Variants in CCNK observed in about 807,000 individuals in gnomAD.
CCNK encodes the protein cyclin K.
A neutral mutation model predicts 65.0 loss-of-function variants in CCNK; 9 were observed. The ratio of observed to expected loss-of-function variants is 0.14; its 90% CI spans 0.08 to 0.24. CCNK has a LOEUF of 0.24. Ranked by LOEUF, CCNK falls within the 10% of genes least tolerant of loss-of-function variation. CCNK has a pLI of 1.00. For missense variants in CCNK, 474 were observed against 720.0 expected (o/e 0.66, Z 3.91); for synonymous variants, 279 against 270.8 (o/e 1.03, Z -0.30).
chr14:99,506,172 A>T (rs922249716), intron 9 of CCNK: 3 of 152,250 alleles, frequency 2.0e-5, no homozygotes, highest in African/African-American at 7.2e-5. Flanking sequence ...AAGAGAGAGG[A>T]AGTCCCTGGA....
intron 1 of CCNK, among the ~76,000 whole-genome samples, chr14:99,489,379 G>A (rs979284233): frequency 6.6e-5 from 10 of 151,942 alleles, no homozygotes; most frequent in Non-Finnish European, 1.3e-4. Context: ...TTAAAATTTC[G>A]TTGGGGCCAG....
chr14:99,503,561 C>G (rs1361504275), intron 8 of CCNK, 50 bp from the exon 9 acceptor site: 2 of 1,495,262 alleles, frequency 1.3e-6, no homozygotes, highest in East Asian at 4.9e-5. Flanking sequence ...ATTTTTTTCT[C>G]ATCATACTCA....
At chr14:99,500,568 C>A in intron 4 of CCNK, 198 bp from the exon 5 acceptor site, 1 of 546,594 alleles carries the variant, frequency 1.8e-6, no homozygotes, top group Non-Finnish European at 3.2e-6. Context: ...TCTGCTTTGT[C>A]TTCCTGTTTG....
intron 9 of CCNK, chr14:99,503,961 C>A: frequency 2.7e-6 from 1 of 368,704 alleles, no homozygotes; most frequent in South Asian, 2.4e-5. Context: ...TTACCCCCAT[C>A]ACAGCAGCAG....
At chr14:99,489,438 G>T (rs979728587) in intron 1 of CCNK, among the ~76,000 whole-genome samples, 1 of 152,222 alleles carries the variant, frequency 6.6e-6, no homozygotes, top group African/African-American at 2.4e-5. Flanking sequence ...GGCTAGGCGG[G>T]AGGATCGCTT....
At chr14:99,487,806 T>C (rs989197332) in intron 1 of CCNK, among the ~76,000 whole-genome samples, 7 of 152,268 alleles carry the variant, frequency 4.6e-5, no homozygotes, top group Non-Finnish European at 7.3e-5. Flanking sequence ...CATACACTTA[T>C]AATTAGTTCA....
At chr14:99,502,572 A>G (rs1440525557) in intron 7 of CCNK, 147 bp from the exon 8 acceptor site, 1 of 1,189,418 alleles carries the variant, frequency 8.4e-7, no homozygotes, top group Non-Finnish European at 1.2e-6. Context: ...AATACACACC[A>G]GTGTTGCACA....
chr14:99,491,582 C>G (rs1896598823), intron 1 of CCNK, among the ~76,000 whole-genome samples: 1 of 111,896 alleles, frequency 8.9e-6, no homozygotes, highest in African/African-American at 2.9e-5. Context: ...AAGCTTTTCT[C>G]CAGGTACTTA....
chr14:99,502,594 G>C (rs1288578616), intron 7 of CCNK, 125 bp from the exon 8 acceptor site: 2 of 1,199,314 alleles, frequency 1.7e-6, no homozygotes, highest in African/African-American at 3.1e-5. Flanking sequence ...AACGAAGATG[G>C]GGTGAGTTGT....
chr14:99,482,915 G>C (rs569599944), intron 1 of CCNK, among the ~76,000 whole-genome samples: 1 of 152,164 alleles, frequency 6.6e-6, no homozygotes, highest in South Asian at 2.1e-4. Flanking sequence ...CTTTAAAATT[G>C]GATAAGGACA....
chr14:99,500,637 A>G, intron 4 of CCNK, 129 bp from the exon 5 acceptor site: 2 of 676,422 alleles, frequency 3.0e-6, no homozygotes, highest in South Asian at 3.5e-5. Context: ...GTGGGAGAGA[A>G]AGGAAGGAAA....
Position 99,510,494 on chromosome 14 carries a change from A to G in CCNK, c.1455A>G (p.Pro485=). 2.1e-6 allele frequency: 1 copy of G among 468,200 alleles called. No individual in the cohort carries two copies. The highest frequency in any genetic ancestry group is 3.0e-6 in the Non-Finnish European group (1 of 333,308). 29.0% of individuals were successfully genotyped at this position (468,200 alleles called of 1,614,324 possible). The part of the protein sequence containing the change: ...PHVYPPNPPP[P]PVPPPPASFP... Reference sequence around the variant, plus strand: ...TCTACCCGCCCAACCCGCCCCCGCCACCTGTGCCTCCTCCCCCAGCCTCCT... The same window carrying G: ...TCTACCCGCCCAACCCGCCCCCGCCGCCTGTGCCTCCTCCCCCAGCCTCCT... Residue 485 remains proline (P), a synonymous_variant, in exon 11 of 11, where the codon CCA becomes CCG. Transcript: ENST00000389879.
intron 8 of CCNK, 96 bp downstream of exon 8, chr14:99,503,080 C>T (rs770288405): frequency 1.4e-6 from 2 of 1,380,464 alleles, no homozygotes. Context: ...ACAGGGAACA[C>T]CGGAAGCAGG....
chr14:99,493,049 A>T, intron 2 of CCNK, 175 bp downstream of exon 2: 1 of 662,570 alleles, frequency 1.5e-6, no homozygotes, highest in South Asian at 2.3e-5. Flanking sequence ...TGTCATTTTA[A>T]AGGTGTAGAC....
chr14:99,493,018 G>C, intron 2 of CCNK, 144 bp downstream of exon 2: 1 of 757,112 alleles, frequency 1.3e-6, no homozygotes, highest in Non-Finnish European at 2.0e-6. Flanking sequence ...GTTTCTGGTG[G>C]GGGTTTTTCT....
intron 9 of CCNK, chr14:99,503,943 G>A (rs1421257413): frequency 5.2e-5 from 21 of 405,090 alleles, no homozygotes; most frequent in Non-Finnish European, 8.6e-5. Flanking sequence ...TTTATTTTTA[G>A]AGACTATTTA....
chr14:99,499,159 C>T (rs150210511), intron 4 of CCNK, among the ~76,000 whole-genome samples: 2 of 152,328 alleles, frequency 1.3e-5, no homozygotes, highest in African/African-American at 2.4e-5. Context: ...CCTGCCTCAG[C>T]TTCCCAAGTA....
chr14:99,492,426 G>C, intron 1 of CCNK, 200 bp from the exon 2 acceptor site: 1 of 397,578 alleles, frequency 2.5e-6, no homozygotes, highest in Non-Finnish European at 4.4e-6. Flanking sequence ...CATGAAATTT[G>C]AGATTTATTA....
At chr14:99,493,777 A>G (rs753656814) in intron 3 of CCNK, among the ~76,000 whole-genome samples, 182 bp downstream of exon 3, 1 of 152,176 alleles carries the variant, frequency 6.6e-6, no homozygotes. Flanking sequence ...GCCATGTTCA[A>G]ATCTTTTCAC....
Sources: allele counts gnomAD v4.1 joint callset (sites outside exome capture counted in the v4.1 genomes callset), GRCh38; gene constraint gnomAD v4.1.1; transcripts MANE v1.5; gene names NCBI Gene and HGNC (gene_info 2026-07-23, HGNC 2026-07-21).